CFAP77: variants seen among roughly 807,000 people sequenced by gnomAD.
CFAP77 encodes cilia and flagella associated protein 77, also known as cilia- and flagella-associated protein 77.
In CFAP77, 25 loss-of-function variants were observed where a neutral mutation model predicts 31.1. The ratio of observed to expected loss-of-function variants is 0.80; its 90% confidence interval spans 0.59 to 1.12. The LOEUF (loss-of-function observed/expected upper bound fraction) is 1.12, where lower values mean the gene tolerates loss of function less well. Among genes scored for constraint, CFAP77 ranks in the 50% most tolerant of loss-of-function variants. The pLI, the probability that CFAP77 is intolerant of heterozygous loss-of-function variation, is 0.00. For missense variants in CFAP77, 377 were observed against 397.3 expected (o/e 0.95, Z 0.44); for synonymous variants, 151 against 159.9 (o/e 0.94, Z 0.42).
chr9:132,551,246 C>T (rs577860999), intron 5 of CFAP77, among the ~76,000 whole-genome samples: 67 of 151,202 alleles, frequency 4.4e-4, no homozygotes, highest in African/African-American at 1.6e-3. Context: ...ACAGCTCACA[C>T]GTCCTGACTC....
intron 1 of CFAP77, among the ~76,000 whole-genome samples, chr9:132,436,675 G>A (rs1351825288): frequency 1.3e-5 from 2 of 152,174 alleles, no homozygotes; most frequent in African/African-American, 4.8e-5. Flanking sequence ...GTGATATCTA[G>A]TGGCCATTCC....
At chr9:132,515,501 TTTC>T (rs1852130194) in intron 3 of CFAP77, among the ~76,000 whole-genome samples, 1 of 152,234 alleles carries the variant, frequency 6.6e-6, no homozygotes, top group Non-Finnish European at 1.5e-5. Flanking sequence ...TTTTTATTTT[TTTC>T]TGATTTTAAA....
Position 132,554,357 on chromosome 9 carries a change from T to A in CFAP77, c.732+11310T>A, listed in dbSNP as rs72767830. On this transcript the variant is annotated intron_variant, in intron 5 of 5. Coordinates refer to ENST00000393216, the MANE Select transcript of CFAP77 (RefSeq NM_001282957.2). The surrounding 1 kb of genome is among the most constrained non-coding windows in gnomAD (Gnocchi z 4.1). ...ACCCTTATTTTTATTTTATTTATTT[T>A]TTTTTTTGAGACAGGCTCTCACTCT... is the stretch of plus-strand genomic sequence containing the variant. Among the ~76,000 whole-genome samples the A allele has an allele frequency of 0.051, 7,830 of 152,206 alleles. 228 individuals carry two copies. The highest frequency in any genetic ancestry group is 0.072 in the Non-Finnish European group (4,904 of 68,002).
chr9:132,465,314 G>C (rs529213044), intron 1 of CFAP77, among the ~76,000 whole-genome samples: 2 of 152,114 alleles, frequency 1.3e-5, no homozygotes, highest in African/African-American at 2.4e-5. Context: ...TCATGTGCGA[G>C]AGTGTTTCCT....
At chr9:132,569,234 C>A (rs575971699) in intron 5 of CFAP77, among the ~76,000 whole-genome samples, 3 of 152,128 alleles carry the variant, frequency 2.0e-5, no homozygotes, top group South Asian at 2.1e-4. Flanking sequence ...GACCCTCCCC[C>A]CATCTCTACA....
chr9:132,470,727 G>A (rs1851240163), intron 1 of CFAP77, among the ~76,000 whole-genome samples: 1 of 152,216 alleles, frequency 6.6e-6, no homozygotes, highest in African/African-American at 2.4e-5. Context: ...TATTTAATGT[G>A]GCCGGGCACG....
Position 132,508,532 on chromosome 9 carries a change from G to T in CFAP77, c.524+8932G>T, listed in dbSNP as rs769907880. ...TCCTAGCTGGACGTGAAAAGATGCC[G>T]CAGAGACACAGCAGCTGTCTATAAC... On this transcript the variant is annotated intron_variant, in intron 3 of 5. Coordinates refer to ENST00000393216, the MANE Select transcript of CFAP77 (RefSeq NM_001282957.2). 3.3e-5 allele frequency among the ~76,000 whole-genome samples: 5 copies of T among 152,094 alleles called. No homozygotes were observed. In the East Asian group the frequency reaches 9.6e-4, roughly 29 times the overall value.
At chr9:132,438,143 A>G (rs1850542833) in intron 1 of CFAP77, among the ~76,000 whole-genome samples, 1 of 140,884 alleles carries the variant, frequency 7.1e-6, no homozygotes, top group Admixed American at 7.7e-5. Flanking sequence ...CGGAGGTTGT[A>G]TTGAGCCAAG....
intron 1 of CFAP77, among the ~76,000 whole-genome samples, chr9:132,425,497 T>C (rs1215049213): frequency 6.6e-6 from 1 of 152,030 alleles, no homozygotes; most frequent in East Asian, 1.9e-4. Flanking sequence ...GAGCTGAGAT[T>C]GAGGTTAATT....
At position 132,495,318 on chromosome 9, in the gene CFAP77, AGTCT is replaced by A. The variant is rs1288563154; in HGVS notation, c.196-3369_196-3366del. Reference sequence around the variant, plus strand: ...GCCTGAGGGTGGCAGCCAGCTCCTGAGTCTGTCTGTCATTCCCCTGCCAGCTGAA... The same window carrying A: ...GCCTGAGGGTGGCAGCCAGCTCCTGAGTCTGTCATTCCCCTGCCAGCTGAA... On this transcript the variant is annotated intron_variant, in intron 1 of 5. Transcript: ENST00000393216. The surrounding 1 kb of genome is among the most constrained non-coding windows in gnomAD (Gnocchi z 4.2). 1.3e-5 allele frequency among the ~76,000 whole-genome samples: 2 copies of A among 152,190 alleles called. No homozygotes were observed. Among genetic ancestry groups the A allele is most frequent in the Non-Finnish European group, 2.9e-5 (2 of 68,000 alleles).
chr9:132,493,859 T>TTCCC (rs201871449), intron 1 of CFAP77, among the ~76,000 whole-genome samples: 3,066 of 151,908 alleles, frequency 0.02, 88 homozygotes, highest in African/African-American at 0.071. Context: ...TTTCTTTTCT[T>TTCCC]TTCTCTTTTC....
chr9:132,516,268 C>T (rs1451853937), intron 3 of CFAP77, among the ~76,000 whole-genome samples: 1 of 152,228 alleles, frequency 6.6e-6, no homozygotes, highest in Non-Finnish European at 1.5e-5. Flanking sequence ...AGCATGTCTG[C>T]AGGCCAGACC....
At chr9:132,542,201 TG>T (rs1342115323) in intron 4 of CFAP77, among the ~76,000 whole-genome samples, 1 of 152,222 alleles carries the variant, frequency 6.6e-6, no homozygotes, top group African/African-American at 2.4e-5. Flanking sequence ...TCTGTGGCTC[TG>T]GCCATAGCCA....
intron 5 of CFAP77, among the ~76,000 whole-genome samples, chr9:132,562,433 A>G (rs955834286): frequency 6.6e-6 from 1 of 152,118 alleles, no homozygotes; most frequent in Non-Finnish European, 1.5e-5. Context: ...AGATTCACAC[A>G]TATGCTGGAG....
intron 3 of CFAP77, among the ~76,000 whole-genome samples, chr9:132,536,736 G>T (rs1852550755): frequency 1.3e-5 from 2 of 152,126 alleles, no homozygotes; most frequent in South Asian, 4.1e-4. Context: ...TGTCCATTTG[G>T]ATATTCCGTC....
At chr9:132,523,586 A>G (rs2119024002) in intron 3 of CFAP77, among the ~76,000 whole-genome samples, 1 of 152,350 alleles carries the variant, frequency 6.6e-6, no homozygotes, top group African/African-American at 2.4e-5. Flanking sequence ...TGACCAGCTC[A>G]GTGAACAACT....
intron 5 of CFAP77, among the ~76,000 whole-genome samples, chr9:132,563,555 G>A (rs946717793): frequency 6.6e-5 from 10 of 152,132 alleles, no homozygotes; most frequent in Admixed American, 2.6e-4. Context: ...AGTTGTTCCC[G>A]GCATTTATTG....
chr9:132,483,657 A>G (rs34636644), intron 1 of CFAP77, among the ~76,000 whole-genome samples: 66 of 152,180 alleles, frequency 4.3e-4, no homozygotes, highest in African/African-American at 1.3e-3. Context: ...CCCAGCTCCC[A>G]CCATACTGTC....
chr9:132,551,539 G>T (rs1214043254), intron 5 of CFAP77, among the ~76,000 whole-genome samples: 4 of 151,950 alleles, frequency 2.6e-5, no homozygotes, highest in Non-Finnish European at 5.9e-5. Flanking sequence ...CCAGTGATCC[G>T]CCCACCTTGG....
Sources: gnomAD v4.1 joint callset for allele counts (sites outside exome capture counted in the v4.1 genomes callset) on GRCh38, gnomAD v4.1.1 for gene constraint, Gnocchi (gnomAD v3.1) non-coding constraint, MANE v1.5 for transcripts, NCBI Gene and HGNC (gene_info 2026-07-23, HGNC 2026-07-21) for gene names.